The following OPN4 variants were observed in gnomAD, a reference collection of about 807,000 sequenced individuals.
The protein encoded by OPN4 is opsin 4, also known as melanopsin.
A neutral mutation model predicts 49.5 loss-of-function variants in OPN4; 43 were observed. That is an observed-to-expected ratio of 0.87 (90% CI 0.68 to 1.12). The LOEUF is 1.12. OPN4 is among the 50% of genes most tolerant of loss of function. The pLI is 0.00. For synonymous variants in OPN4, 263 were observed against 258.0 expected, an observed-to-expected ratio of 1.02 and a Z score of -0.19; for missense variants, 657 against 643.9, an observed-to-expected ratio of 1.02 and a Z score of -0.22.
In OPN4 at chr10:86,657,238, G is replaced by A. The variant is rs116984603; in HGVS notation, c.291-794G>A. ...CACTGTGATGATGCAGTAAGTTCAC[G>A]GATGTGCGTTGCCCCACAGATGAGC... On this transcript the variant is annotated intron_variant, in intron 2 of 9. Coordinates refer to ENST00000241891, the MANE Select transcript of OPN4 (RefSeq NM_033282.4). The A allele has an allele frequency of 5.1e-5, 40 of 780,528 alleles. No homozygotes were observed. The East Asian group carries it at 6.3e-4, about 12-fold the overall frequency. The allele number at this position is 780,528 out of a possible 1,614,324, so 48.4% of individuals were successfully genotyped here.
chr10:86,665,700 T>C lies in OPN4; in HGVS notation c.1399-13T>C. 6.2e-7 allele frequency: 1 copy of C among 1,612,874 alleles called. No individual in the cohort carries two copies. The highest frequency in any genetic ancestry group is 8.5e-7 in the Non-Finnish European group (1 of 1,178,968). On this transcript the variant is annotated splice_polypyrimidine_tract_variant and intron_variant, in intron 9 of 9. Transcript: ENST00000241891. ...GCTCCTCAGCTAAACAGATGTGTGCTGTTTGTTTGCAGACCAAGGGGCTGA... is the reference window on the plus strand; with the variant it reads ...GCTCCTCAGCTAAACAGATGTGTGCCGTTTGTTTGCAGACCAAGGGGCTGA...
At chr10:86,657,254 A>G (rs780681153) in intron 2 of OPN4, 3 of 779,520 alleles carry the variant, frequency 3.8e-6, no homozygotes, top group Non-Finnish European at 7.2e-6. Flanking sequence ...GCGTTGCCCC[A>G]CAGATGAGCC....
At chr10:86,657,923 TGTAA>T in intron 2 of OPN4, 105 bp from the exon 3 acceptor site, 6 of 1,184,768 alleles carry the variant, frequency 5.1e-6, no homozygotes, top group Non-Finnish European at 7.2e-6. Flanking sequence ...TGTGTGCATG[TGTAA>T]GTGTGTGGCA....
chr10:86,663,832 A>C (rs752851844), intron 9 of OPN4, 30 bp downstream of exon 9: 77 of 1,547,466 alleles, frequency 5.0e-5, no homozygotes, highest in African/African-American at 6.9e-5. Flanking sequence ...GCCAATCCAC[A>C]AAGGGGTGGG....
At chr10:86,656,907 T>C (rs1487031338) in intron 2 of OPN4, among the ~76,000 whole-genome samples, 1 of 138,860 alleles carries the variant, frequency 7.2e-6, no homozygotes, top group African/African-American at 2.7e-5. Context: ...ATCATGCCAC[T>C]GCACTCTAGC....
intron 4 of OPN4, 58 bp downstream of exon 4, chr10:86,658,745 G>T (rs1182262903): frequency 1.3e-6 from 2 of 1,578,990 alleles, no homozygotes; most frequent in African/African-American, 1.3e-5. Flanking sequence ...GCACATTCAA[G>T]GGGAAGTAGG....
At chr10:86,665,406 C>T (rs1844132499) in intron 9 of OPN4, among the ~76,000 whole-genome samples, 1 of 152,026 alleles carries the variant, frequency 6.6e-6, no homozygotes, top group Non-Finnish European at 1.5e-5. Flanking sequence ...GGGGTGATGC[C>T]AGAGTCTCCA....
In OPN4 at chr10:86,656,208, A is replaced by G. The variant is rs368567389; in HGVS notation, c.198A>G (p.Pro66=). The change falls in exon 2 of 10, where the codon CCA becomes CCG. Residue 66 remains proline, a synonymous_variant. Transcript: ENST00000241891. ...TCCCCCTCCCCACGGTTGATGTTCC[A>G]GACCATGCCCACTATACCCTGGGCA... ...AWVPLPTVDV[P]DHAHYTLGTV... The G allele has an allele frequency of 6.8e-6, 11 of 1,614,158 alleles. No homozygotes were observed. The African/African-American group carries it at 1.5e-4, about 22-fold the overall frequency.
rs1844157927 is a variant in OPN4 at position 86,665,805 on chromosome 10, C to A, written c.*54C>A. ...AGACACATCCAGCCCCCCCACGTCTCCCTCATATACACAGACCCAGGATTA... is the reference window on the plus strand; with the variant it reads ...AGACACATCCAGCCCCCCCACGTCTACCTCATATACACAGACCCAGGATTA... On this transcript the variant is annotated 3_prime_UTR_variant, in exon 10 of 10. Transcript: ENST00000241891. 3.7e-6 allele frequency: 5 copies of A among 1,359,250 alleles called. No individual in the cohort carries two copies. Among genetic ancestry groups the A allele is most frequent in the Non-Finnish European group, 5.3e-6 (5 of 951,838 alleles). The allele number at this position is 1,359,250 out of a possible 1,614,324, so 84.2% of individuals were successfully genotyped here. A position where few individuals can be genotyped will look rare whatever the true frequency, so the allele number is the denominator to read the frequency against.
chr10:86,655,324 A>G (rs993994322), intron 1 of OPN4, among the ~76,000 whole-genome samples: 1 of 152,202 alleles, frequency 6.6e-6, no homozygotes, highest in Admixed American at 6.5e-5. Flanking sequence ...TGCCACCTCC[A>G]TCATCCTAGC....
At chr10:86,662,188 C>G in intron 7 of OPN4, 64 bp from the exon 8 acceptor site, 4 of 1,439,898 alleles carry the variant, frequency 2.8e-6, no homozygotes, top group Non-Finnish European at 3.8e-6. Flanking sequence ...GCCTGTGCAC[C>G]CATCCCCTCC....
intron 2 of OPN4, 83 bp from the exon 3 acceptor site, chr10:86,657,949 A>T: frequency 7.0e-7 from 1 of 1,424,358 alleles, no homozygotes; most frequent in Non-Finnish European, 9.6e-7. Flanking sequence ...GTGTGTGCAC[A>T]TGCATACCTG....
chr10:86,659,318 TG>T lies in OPN4; in HGVS notation c.651del (p.Leu217PhefsTer2). On this transcript the variant is annotated frameshift_variant, in exon 5 of 10. Coordinates refer to ENST00000241891, the MANE Select transcript of OPN4 (RefSeq NM_033282.4). LOFTEE classifies it high-confidence loss of function. ...FGWSAYVPEG[L>X]LTSCSWDYMS... ...CCAGGCGCCTACGTGCCCGAGGGGT[TG>T]CTGACATCCTGCTCCTGGGACTACA... 6.2e-7 allele frequency: 1 copy of T among 1,613,296 alleles called. No homozygotes were observed. The highest frequency in any genetic ancestry group is 8.5e-7 in the Non-Finnish European group (1 of 1,179,962).
Position 86,659,959 on chromosome 10 carries a change from C to T in OPN4, c.865C>T (p.Gln289Ter). ...GTCCCTGTGGCAGCGGCAGCGGCTG[C>T]AGAGCGAGTGCAAGATGGCCAAGAT... Reference protein sequence around the residue: ...GESLWQRQRLQSECKMAKIML... With the variant: ...GESLWQRQRL Residue 289 changes from glutamine to a stop codon, truncating the protein, a stop_gained, in exon 6 of 10, where the codon CAG (glutamine) becomes TAG (stop). Transcript: ENST00000241891. LOFTEE classifies it high-confidence loss of function. 1.9e-6 allele frequency: 3 copies of T among 1,614,218 alleles called. No homozygotes were observed. Among genetic ancestry groups the T allele is most frequent in the Non-Finnish European group, 2.5e-6 (3 of 1,180,030 alleles).
Position 86,654,729 on chromosome 10 carries a change from C to T in OPN4, c.-55C>T, listed in dbSNP as rs566139768. The T allele has an allele frequency of 6.4e-7, 1 of 1,572,868 alleles. No individual in the cohort carries two copies. The highest frequency in any genetic ancestry group is 2.3e-5 in the East Asian group (1 of 44,026). On this transcript the variant is annotated 5_prime_UTR_variant, in exon 1 of 10. Coordinates refer to ENST00000241891, the MANE Select transcript of OPN4 (RefSeq NM_033282.4). Reference sequence around the variant, plus strand: ...GGCTGAGCACAGCTGAAGTCCTGAGCTCCCTGTGCCCTTGACTTCTCTGTG... The same window carrying T: ...GGCTGAGCACAGCTGAAGTCCTGAGTTCCCTGTGCCCTTGACTTCTCTGTG...
chr10:86,657,625 C>A (rs1346243777), intron 2 of OPN4, among the ~76,000 whole-genome samples: 1 of 152,106 alleles, frequency 6.6e-6, no homozygotes, highest in African/African-American at 2.4e-5. Flanking sequence ...GAGACCTTGG[C>A]CTAGAGGGAC....
At chr10:86,660,533 G>A (rs1261809809) in intron 6 of OPN4, among the ~76,000 whole-genome samples, 1 of 152,202 alleles carries the variant, frequency 6.6e-6, no homozygotes, top group Non-Finnish European at 1.5e-5. Flanking sequence ...TTAAACCCTG[G>A]AAGTGTTTAG....
At position 86,659,467 on chromosome 10, in the gene OPN4, C is replaced by A. The variant is rs201905519; in HGVS notation, c.799C>A (p.Arg267=). 1 of 1,613,466 alleles carries A rather than the reference C, an allele frequency of 6.2e-7. No homozygotes were observed. Among genetic ancestry groups the A allele is most frequent in the Admixed American group, 1.7e-5 (1 of 59,998 alleles). ...FIFRAIRETG[R]ALQTFGACKG... ...CTTCAGGGCCATCCGGGAGACAGGA[C>A]GGTAAGAGCCGAGCATGGAGGGGGG... The change falls in exon 5 of 10, where the codon CGG becomes AGG. Residue 267 remains arginine, a splice_region_variant and synonymous_variant. Coordinates refer to ENST00000241891, the MANE Select transcript of OPN4 (RefSeq NM_033282.4).
intron 9 of OPN4, 68 bp downstream of exon 9, chr10:86,663,870 G>A (rs1390856244): frequency 6.6e-7 from 1 of 1,519,280 alleles, no homozygotes; most frequent in South Asian, 1.2e-5. Context: ...CCAGGGAGAG[G>A]CCAGGAAAGA....
Sources: gnomAD v4.1 joint callset for allele counts (sites outside exome capture counted in the v4.1 genomes callset) on GRCh38, gnomAD v4.1.1 for gene constraint, MANE v1.5 for transcripts, NCBI Gene and HGNC (gene_info 2026-07-23, HGNC 2026-07-21) for gene names.